TUBA1C: variants seen among roughly 807,000 people sequenced by gnomAD.
TUBA1C encodes the protein tubulin alpha-1C chain.
TUBA1C carries 16 observed loss-of-function variants against 34.9 expected under a neutral mutation model. That is an observed-to-expected ratio of 0.46 (90% CI 0.31 to 0.70). The LOEUF is 0.70. TUBA1C is among the 30% of genes least tolerant of loss of function. The pLI is 0.05. For missense variants in TUBA1C, 329 were observed against 587.3 expected (o/e 0.56, Z 4.55); for synonymous variants, 177 against 215.9 (o/e 0.82, Z 1.58).
chr12:49,251,159 A>G (rs181615932), intron 1 of TUBA1C, among the ~76,000 whole-genome samples: 67 of 152,302 alleles, frequency 4.4e-4, no homozygotes, highest in African/African-American at 1.6e-3. Context: ...GTGAGCTGAG[A>G]TTGTACCACT....
In TUBA1C at chr12:49,247,823, C is replaced by T. The variant is rs1942687416; in HGVS notation, c.213+19657C>T. ...ATTAGCCAGGCATGGTGGCATGCAC[C>T]TGTAATCCCAGCTACTCAGGAGGCT... On this transcript the variant is annotated intron_variant, in intron 1 of 3. Coordinates refer to the TUBA1C transcript ENST00000541364. Among the ~76,000 whole-genome samples, 3 of 150,738 alleles carry T rather than the reference C, an allele frequency of 2.0e-5. No homozygotes were observed. The South Asian group carries it at 6.3e-4, about 31-fold the overall frequency.
chr12:49,268,910 A>T (rs939121002), intron 1 of TUBA1C, among the ~76,000 whole-genome samples: 1 of 152,194 alleles, frequency 6.6e-6, no homozygotes, highest in African/African-American at 2.4e-5. Flanking sequence ...TTAAGGAATC[A>T]TATCTACTGT....
At chr12:49,247,720 G>A (rs1384291779) in intron 1 of TUBA1C, among the ~76,000 whole-genome samples, 2 of 152,148 alleles carry the variant, frequency 1.3e-5, no homozygotes, top group African/African-American at 4.8e-5. Context: ...GGCCAAGGCA[G>A]GCGGATCACG....
At chr12:49,259,011 G>A (rs545952438) in intron 1 of TUBA1C, among the ~76,000 whole-genome samples, 3 of 151,750 alleles carry the variant, frequency 2.0e-5, no homozygotes, top group South Asian at 2.1e-4. Context: ...CACCTGCCTC[G>A]GCCTCCCAAA....
intron 1 of TUBA1C, among the ~76,000 whole-genome samples, chr12:49,268,246 G>T (rs755880898): frequency 6.6e-6 from 1 of 152,056 alleles, no homozygotes; most frequent in African/African-American, 2.4e-5. Flanking sequence ...CTACAGGCGC[G>T]CACCACCATG....
chr12:49,258,244 T>C (rs898063858), intron 1 of TUBA1C, among the ~76,000 whole-genome samples: 7 of 152,054 alleles, frequency 4.6e-5, no homozygotes, highest in Non-Finnish European at 8.8e-5. Context: ...GTAGCCTAAG[T>C]GTCAGTGTTT....
intron 1 of TUBA1C, among the ~76,000 whole-genome samples, chr12:49,228,574 G>A (rs1014240269): frequency 3.3e-5 from 5 of 152,108 alleles, no homozygotes; most frequent in African/African-American, 1.2e-4. Context: ...ATGAATACAG[G>A]CTATTGAAGC....
chr12:49,260,862 C>T (rs1468199794), upstream of TUBA1C, among the ~76,000 whole-genome samples: 1 of 152,212 alleles, frequency 6.6e-6, no homozygotes, highest in East Asian at 1.9e-4. Flanking sequence ...TTCCGAGTAG[C>T]TGGCCGACAG....
At chr12:49,239,579 C>T (rs534530520) in intron 1 of TUBA1C, among the ~76,000 whole-genome samples, 20 of 150,884 alleles carry the variant, frequency 1.3e-4, no homozygotes, top group Non-Finnish European at 2.7e-4. Flanking sequence ...AGGTGGAGGT[C>T]GCAGCGAACT....
At chr12:49,249,905 T>G (rs368439507) in intron 1 of TUBA1C, among the ~76,000 whole-genome samples, 2 of 150,010 alleles carry the variant, frequency 1.3e-5, no homozygotes, top group East Asian at 4.0e-4. Context: ...GCGAAAAAAA[T>G]TTTTAAAAAG....
intron 1 of TUBA1C, among the ~76,000 whole-genome samples, chr12:49,253,474 G>A (rs1219977771): frequency 1.3e-5 from 2 of 152,068 alleles, no homozygotes; most frequent in Non-Finnish European, 1.5e-5. Flanking sequence ...AAAAGTGGGA[G>A]GTTGTGGTTG....
intron 1 of TUBA1C, among the ~76,000 whole-genome samples, chr12:49,268,140 C>G (rs1473918590): frequency 1.3e-5 from 2 of 152,212 alleles, no homozygotes; most frequent in East Asian, 3.8e-4. Flanking sequence ...GCCTCTGTTG[C>G]CCAGGCTGGA....
At chr12:49,265,304 C>T in intron 1 of TUBA1C, 120 bp downstream of exon 1, 1 of 717,072 alleles carries the variant, frequency 1.4e-6, no homozygotes, top group Non-Finnish European at 2.1e-6. Context: ...CCGGGCCCCT[C>T]CGGTTAACCT....
chr12:49,265,254 C>T, intron 1 of TUBA1C, 70 bp downstream of exon 1: 2 of 1,381,368 alleles, frequency 1.4e-6, no homozygotes, highest in Non-Finnish European at 2.0e-6. Flanking sequence ...GAAACTACTG[C>T]CTGCACCTCG....
chr12:49,246,223 T>G (rs1206033945), intron 1 of TUBA1C, among the ~76,000 whole-genome samples: 1 of 145,828 alleles, frequency 6.9e-6, no homozygotes, highest in Non-Finnish European at 1.5e-5. Context: ...CACATACTTC[T>G]GCCTGCCTCA....
In TUBA1C at chr12:49,269,963, G is replaced by A; in HGVS notation, c.362G>A (p.Arg121Gln). Residue 121 changes from arginine to glutamine, a missense_variant, in exon 3 of 4, where the codon CGA (arginine) becomes CAA (glutamine). By Grantham distance (43) the Arg-to-Gln change is conservative. Transcript: ENST00000301072. ...GAGATCATTGACCTCGTGTTGGACC[G>A]AATTCGCAAGCTGGTAAGTATAGTA... is the stretch of plus-strand genomic sequence containing the variant. ...GKEIIDLVLD[R>Q]IRKLADQCTG... 5.6e-6 allele frequency: 9 copies of A among 1,614,216 alleles called. No individual in the cohort carries two copies. Among genetic ancestry groups the A allele is most frequent in the South Asian group, 1.1e-5 (1 of 91,086 alleles).
At position 49,273,506 on chromosome 12, in the gene TUBA1C, C is replaced by T. The variant is rs1943023987; in HGVS notation, c.*279C>T. The T allele has an allele frequency of 2.1e-6, 1 of 481,606 alleles. No homozygotes were observed. The highest frequency in any genetic ancestry group is 3.7e-6 in the Non-Finnish European group (1 of 267,522). 29.8% of individuals were successfully genotyped at this position (481,606 alleles called of 1,614,324 possible). ...CTGGACTCATGTGATTCTCCTGCTT[C>T]AGCCTCCTAAGTAGCTGGGGACTGC... is the stretch of plus-strand genomic sequence containing the variant. On this transcript the variant is annotated 3_prime_UTR_variant, in exon 4 of 4. Transcript: ENST00000301072.
At chr12:49,255,710 C>A (rs541236443) in intron 1 of TUBA1C, among the ~76,000 whole-genome samples, 1 of 152,054 alleles carries the variant, frequency 6.6e-6, no homozygotes, top group East Asian at 1.9e-4. Context: ...GGATTACAGG[C>A]GTCTGCCACC....
At chr12:49,261,229 C>CA (rs60770205), upstream of TUBA1C, among the ~76,000 whole-genome samples, 3,692 of 131,746 alleles carry the variant, frequency 0.028, 146 homozygotes, top group African/African-American at 0.094. Context: ...GACACCGTCT[C>CA]AAAAAAAAAA....
Sources: gnomAD v4.1 joint callset for allele counts (sites outside exome capture counted in the v4.1 genomes callset) on GRCh38, gnomAD v4.1.1 for gene constraint, MANE v1.5 for transcripts, NCBI Gene and HGNC (gene_info 2026-07-23, HGNC 2026-07-21) for gene names.